The following BACH1 variants were observed in gnomAD, a reference collection of about 807,000 sequenced individuals.
The protein encoded by BACH1 is transcription regulator protein BACH1.
Under a neutral mutation model 52.9 loss-of-function variants are expected in BACH1, and 35 were observed. The ratio of observed to expected loss-of-function variants is 0.66; its 90% CI spans 0.51 to 0.88. The LOEUF is 0.88. BACH1 is among the 40% of genes least tolerant of loss of function. BACH1 has a pLI of 0.00. For missense variants in BACH1, 808 were observed against 872.6 expected, an observed-to-expected ratio of 0.93 and a Z score of 0.93; for synonymous variants, 321 against 319.6, an observed-to-expected ratio of 1.00 and a Z score of -0.05.
intron 2 of BACH1, among the ~76,000 whole-genome samples, chr21:29,323,933 C>A (rs1048468583): frequency 6.6e-6 from 1 of 152,002 alleles, no homozygotes; most frequent in South Asian, 2.1e-4. Flanking sequence ...TTATCCCCTG[C>A]GAAGGTTTGT....
At chr21:29,350,031 A>C (rs1290510011), downstream of BACH1, among the ~76,000 whole-genome samples, 2 of 152,130 alleles carry the variant, frequency 1.3e-5, no homozygotes, top group African/African-American at 2.4e-5. Flanking sequence ...GGCTCCACAG[A>C]AAGTCATTCT....
At position 29,342,429 on chromosome 21, in the gene BACH1, A is replaced by G. The variant is rs2089124403; in HGVS notation, c.1807A>G (p.Arg603Gly). Residue 603 changes from arginine to glycine, a missense_variant, in exon 5 of 5, where the codon AGA becomes GGA. Transcript: ENST00000286800. Reference protein sequence around the residue: ...QSEKESLLKERDHILSTLGET... With the variant: ...QSEKESLLKEGDHILSTLGET... ...TGAAAAGGAGAGCTTGTTGAAGGAA[A>G]GAGATCACATTTTGTCAACTCTGGG... 6.2e-7 allele frequency: 1 copy of G among 1,613,900 alleles called. No homozygotes were observed. Among genetic ancestry groups the G allele is most frequent in the Non-Finnish European group, 8.5e-7 (1 of 1,179,846 alleles).
chr21:29,316,167 C>T (rs184623843), intron 1 of BACH1, among the ~76,000 whole-genome samples: 86 of 152,296 alleles, frequency 5.6e-4, no homozygotes, highest in African/African-American at 2.0e-3. Context: ...TCCATGATCA[C>T]ATGTTCACCT....
chr21:29,300,319 G>C (rs1402039883), intron 1 of BACH1: 1 of 152,216 alleles, frequency 6.6e-6, no homozygotes, highest in East Asian at 1.9e-4. Context: ...TTGGGTTGCT[G>C]AGTCATTCGC....
chr21:29,311,930 C>G (rs1450912099), intron 1 of BACH1, among the ~76,000 whole-genome samples: 1 of 152,202 alleles, frequency 6.6e-6, no homozygotes, highest in Admixed American at 6.5e-5. Context: ...AAAAAAGTCA[C>G]AGAGATGTAA....
rs752198130 is a variant in BACH1 at position 29,326,304 on chromosome 21, G to T, written c.480G>T (p.Leu160Phe). 1 of 1,614,110 alleles carries T rather than the reference G, an allele frequency of 6.2e-7. No homozygotes were observed. The highest frequency in any genetic ancestry group is 1.1e-5 in the South Asian group (1 of 91,074). ...AAACAGACCTTAAACTTTCACTTTT[G>T]GACCAGAGGGATCTAGAAACTGATG... ...CQKTDLKLSL[L>F]DQRDLETDEV... The change falls in exon 3 of 5, where the codon TTG becomes TTT. Residue 160 changes from leucine (L) to phenylalanine (F), a missense_variant. Transcript: ENST00000286800.
intron 2 of BACH1, among the ~76,000 whole-genome samples, chr21:29,355,939 A>G (rs528449376): frequency 1.3e-5 from 2 of 152,324 alleles, no homozygotes; most frequent in East Asian, 3.9e-4. Context: ...TTCCCCTAAG[A>G]AGATGCAGAG....
intron 4 of BACH1, among the ~76,000 whole-genome samples, chr21:29,341,138 G>C (rs994789703): frequency 2.0e-5 from 3 of 152,054 alleles, no homozygotes; most frequent in African/African-American, 7.2e-5. Context: ...TAATTTTATA[G>C]TAATACTTTT....
intron 1 of BACH1, among the ~76,000 whole-genome samples, chr21:29,304,516 C>G (rs888855325): frequency 6.6e-6 from 1 of 152,274 alleles, no homozygotes; most frequent in South Asian, 2.1e-4. Context: ...GACAGTTGCA[C>G]TCTACTTCCC....
intron 1 of BACH1, among the ~76,000 whole-genome samples, chr21:29,310,078 G>A (rs1057299627): frequency 2.0e-5 from 3 of 151,720 alleles, no homozygotes; most frequent in Admixed American, 2.0e-4. Flanking sequence ...TTATTCTTTA[G>A]TAATTTATTG....
Position 29,326,542 on chromosome 21 carries a change from C to G in BACH1, c.718C>G (p.Arg240Gly). 1.2e-6 allele frequency: 2 copies of G among 1,614,144 alleles called. No individual in the cohort carries two copies. Among genetic ancestry groups the G allele is most frequent in the Non-Finnish European group, 1.7e-6 (2 of 1,180,026 alleles). The change falls in exon 3 of 5, where the codon CGT becomes GGT. Residue 240 changes from arginine (R) to glycine (G), a missense_variant. By Grantham distance (125) the Arg-to-Gly change is moderately radical (BLOSUM62 -2). Transcript: ENST00000286800. ...AAAAGCATTTGGAACTGACAGAGTC[C>G]GTACTGGGGAATCTAGTGTCAAAGA... ...FQKAFGTDRV[R>G]TGESSVKDIH... is the part of the protein sequence containing the mutation.
Position 29,299,875 on chromosome 21 carries a change from G to A in BACH1, c.-61+922G>A, listed in dbSNP as rs2088583515. On this transcript the variant is annotated intron_variant, in intron 1 of 4. Coordinates refer to ENST00000286800, the MANE Select transcript of BACH1 (RefSeq NM_001186.4). ...AGGATGCTTTGCTTTTTGGAGAATT[G>A]TGTAGGGGTAGGGACTGTTACCCAT... 4.6e-5 allele frequency: 7 copies of A among 152,330 alleles called. No homozygotes were observed. The South Asian group carries it at 1.2e-3, about 27-fold the overall frequency. 9.4% of individuals were successfully genotyped at this position (152,330 alleles called of 1,614,324 possible).
rs1159376070 is a variant in BACH1 at position 29,329,571 on chromosome 21, C to T, written c.1654C>T (p.Pro552Ser). The change falls in exon 4 of 5, where the codon CCA becomes TCA. Residue 552 changes from proline (P) to serine (S), a missense_variant. Physicochemically the swap from Pro to Ser is moderately conservative, Grantham distance 74 (BLOSUM62 -1). Transcript: ENST00000286800. The part of the protein sequence containing the change: ...QSLLKMHKLT[P>S]EQLDCIHDIR... ...CTTGTTGAAAATGCACAAGCTTACT[C>T]CAGAACAGCTGGATTGTATCCATGA... 1.2e-6 allele frequency: 2 copies of T among 1,606,788 alleles called. No individual in the cohort carries two copies. The highest frequency in any genetic ancestry group is 1.1e-5 in the South Asian group (1 of 89,214).
intron 2 of BACH1, among the ~76,000 whole-genome samples, chr21:29,356,332 T>G (rs1376793119): frequency 2.6e-5 from 4 of 152,232 alleles, no homozygotes; most frequent in Non-Finnish European, 4.4e-5. Flanking sequence ...AATTTTTCTT[T>G]GCTATTAATA....
At chr21:29,315,951 A>G (rs1443873841) in intron 1 of BACH1, among the ~76,000 whole-genome samples, 2 of 152,152 alleles carry the variant, frequency 1.3e-5, no homozygotes, top group Non-Finnish European at 1.5e-5. Context: ...TCATTTTTCA[A>G]TGAAGATAAA....
At chr21:29,299,231 G>T (rs1191682249) in intron 1 of BACH1, among the ~76,000 whole-genome samples, 2 of 151,654 alleles carry the variant, frequency 1.3e-5, no homozygotes, top group African/African-American at 4.8e-5. Context: ...CGCGCGCGCC[G>T]TACTTTACCC....
intron 2 of BACH1, among the ~76,000 whole-genome samples, chr21:29,357,121 A>G (rs1488876545): frequency 6.6e-6 from 1 of 152,198 alleles, no homozygotes; most frequent in Non-Finnish European, 1.5e-5. Context: ...AGATAAGCAT[A>G]CTTGCTATCT....
chr21:29,327,542 T>C, intron 3 of BACH1, 149 bp downstream of exon 3: 1 of 1,182,210 alleles, frequency 8.5e-7, no homozygotes, highest in Non-Finnish European at 1.2e-6. Flanking sequence ...GACTGTGTGA[T>C]AGGGCTGGGC....
At chr21:29,320,402 A>C (rs965628617) in intron 1 of BACH1, among the ~76,000 whole-genome samples, 1 of 152,178 alleles carries the variant, frequency 6.6e-6, no homozygotes, top group Non-Finnish European at 1.5e-5. Context: ...ATAAGCATAC[A>C]CGTATTGGGG....
Sources: allele counts gnomAD v4.1 joint callset (sites outside exome capture counted in the v4.1 genomes callset), GRCh38; gene constraint gnomAD v4.1.1; transcripts MANE v1.5; gene names NCBI Gene and HGNC (gene_info 2026-07-23, HGNC 2026-07-21).